Variants in BLOC1S3 observed in about 807,000 individuals in gnomAD.
BLOC1S3 encodes biogenesis of lysosomal organelles complex 1 subunit 3, also known as biogenesis of lysosome-related organelles complex 1 subunit 3.
A neutral mutation model predicts 9.1 loss-of-function variants in BLOC1S3; 7 were observed. That is an observed-to-expected ratio of 0.77 (90% CI 0.44 to 1.45). The LOEUF (loss-of-function observed/expected upper bound fraction) is 1.45, where lower values mean the gene tolerates loss of function less well. Ranked by LOEUF, BLOC1S3 falls within the 40% of genes most tolerant of loss-of-function variation. The probability of loss-of-function intolerance (pLI) is 0.01; values close to 1 mark genes in which losing one functional copy is unlikely to be tolerated. For missense variants in BLOC1S3, 307 were observed against 315.2 expected, an observed-to-expected ratio of 0.97 and a Z score of 0.20; for synonymous variants, 145 against 158.4, an observed-to-expected ratio of 0.92 and a Z score of 0.64.
At chr19:45,204,013 T>G (rs1969709463) in intron 3 of BLOC1S3, among the ~76,000 whole-genome samples, 1 of 151,882 alleles carries the variant, frequency 6.6e-6, no homozygotes, top group Non-Finnish European at 1.5e-5. Flanking sequence ...ACCAGTCGAT[T>G]CTTTTTTTTT....
At chr19:45,206,462 T>TTGTTTTTTTTTTTG (rs1555754635) in intron 3 of BLOC1S3, among the ~76,000 whole-genome samples, 1 of 115,446 alleles carries the variant, frequency 8.7e-6, no homozygotes, top group Non-Finnish European at 1.8e-5. Context: ...TTTTTTTTTT[T>TTGTTTTTTTTTTTG]TTTTTTTTTT....
At chr19:45,204,579 C>A (rs1244632496) in intron 3 of BLOC1S3, among the ~76,000 whole-genome samples, 1 of 152,148 alleles carries the variant, frequency 6.6e-6, no homozygotes, top group Non-Finnish European at 1.5e-5. Flanking sequence ...CTCAGCTGGG[C>A]TGGAAATCCA....
downstream of BLOC1S3, among the ~76,000 whole-genome samples, chr19:45,182,612 T>C (rs112142599): frequency 0.017 from 2,585 of 151,774 alleles, 71 homozygotes; most frequent in African/African-American, 0.056. Context: ...TACAGTGAGC[T>C]GAGATCATGC....
At chr19:45,193,566 CT>C (rs1969623428) in intron 2 of BLOC1S3, among the ~76,000 whole-genome samples, 1 of 151,736 alleles carries the variant, frequency 6.6e-6, no homozygotes, top group Non-Finnish European at 1.5e-5. Context: ...ATAAGCCATA[CT>C]TGCCCGTTTC....
chr19:45,203,325 G>A (rs1328711405), intron 3 of BLOC1S3, among the ~76,000 whole-genome samples: 3 of 152,102 alleles, frequency 2.0e-5, no homozygotes, highest in Non-Finnish European at 4.4e-5. Flanking sequence ...CCGGGCTGGA[G>A]TGCAATGACG....
rs555609801 is a variant in BLOC1S3, at chr19:45,188,506, AC to A, written n.180+769del. 1.1e-3 allele frequency among the ~76,000 whole-genome samples: 171 copies of A among 150,602 alleles called. 1 individual carries two copies. Among genetic ancestry groups the A allele is most frequent in the African/African-American group, 3.8e-3 (155 of 41,042 alleles). On this transcript the variant is annotated intron_variant and non_coding_transcript_variant, in intron 2 of 3. Coordinates refer to the BLOC1S3 transcript ENST00000591569. ...GTTACTTTAAAATGTACAACTAGTC[AC>A]CCGGATGTGCTGTCAAATAGTAGAT...
chr19:45,215,848 C>T (rs73568206), intron 3 of BLOC1S3, among the ~76,000 whole-genome samples: 1,746 of 152,286 alleles, frequency 0.011, 36 homozygotes, highest in African/African-American at 0.04. Context: ...CCTGTGACCG[C>T]CTGTTTGTTT....
intron 3 of BLOC1S3, among the ~76,000 whole-genome samples, chr19:45,210,428 G>A (rs775515083): frequency 6.7e-6 from 1 of 150,098 alleles, no homozygotes; most frequent in Non-Finnish European, 1.5e-5. Flanking sequence ...GCCTCCTGGA[G>A]TAGCTGGGAT....
At chr19:45,186,198 C>G (rs1969564742), downstream of BLOC1S3, among the ~76,000 whole-genome samples, 1 of 152,066 alleles carries the variant, frequency 6.6e-6, no homozygotes, top group Non-Finnish European at 1.5e-5. Flanking sequence ...CACTCTGTGT[C>G]CCCAGCACCA....
chr19:45,191,163 C>A (rs1969604878), intron 2 of BLOC1S3, among the ~76,000 whole-genome samples: 2 of 151,336 alleles, frequency 1.3e-5, no homozygotes, highest in Non-Finnish European at 2.9e-5. Context: ...GCTCTTGTTG[C>A]CCAGGCTGGA....
intron 3 of BLOC1S3, among the ~76,000 whole-genome samples, chr19:45,206,114 G>A (rs995213249): frequency 2.0e-5 from 3 of 152,092 alleles, no homozygotes; most frequent in East Asian, 1.9e-4. Flanking sequence ...TTGGGAGGCC[G>A]AGGCGGGTGG....
chr19:45,184,309 A>G (rs1969549590), downstream of BLOC1S3, among the ~76,000 whole-genome samples: 1 of 152,140 alleles, frequency 6.6e-6, no homozygotes, highest in Admixed American at 6.5e-5. Flanking sequence ...GTGGGATGGT[A>G]AGAAATGGGG....
chr19:45,179,343 C>T lies in BLOC1S3; in HGVS notation c.47C>T (p.Thr16Met), dbSNP rs1222326697. The change falls in exon 2 of 2, where the codon ACG becomes ATG. Residue 16 changes from threonine (T) to methionine (M), a missense_variant. By Grantham distance (81) the Thr-to-Met change is moderately conservative. Transcript: ENST00000433642. The surrounding 1 kb of genome is among the most constrained non-coding windows in gnomAD (Gnocchi z 4.6). ...RRRRPLRRPE[T>M]VVPGEATETD... ...CGGAGGCCCCTGCGGAGGCCGGAGA[C>T]GGTGGTGCCGGGGGAGGCGACCGAG... is the stretch of plus-strand genomic sequence containing the variant. 1.3e-6 allele frequency: 2 copies of T among 1,585,948 alleles called. No homozygotes were observed. Among genetic ancestry groups the T allele is most frequent in the African/African-American group, 1.4e-5 (1 of 73,240 alleles).
In BLOC1S3 at chr19:45,179,872, C is replaced by T. The variant is rs1023339987; in HGVS notation, c.576C>T (p.Thr192=). The change falls in exon 2 of 2, where the codon ACC becomes ACT. Residue 192 remains threonine (T), a synonymous_variant. Coordinates refer to ENST00000433642, the MANE Select transcript of BLOC1S3 (RefSeq NM_212550.5). This position sits in a 1 kb window ranked among gnomAD's most constrained non-coding sequence, Gnocchi z 4.6. ...LLPDIRGVPG[T]EPEKDPGPRA ...CGGACATCCGCGGCGTGCCAGGGAC[C>T]GAGCCTGAGAAAGACCCGGGGCCGC... is the stretch of plus-strand genomic sequence containing the variant. 4 of 1,609,116 alleles carry T rather than the reference C, an allele frequency of 2.5e-6. No homozygotes were observed. In the South Asian group the frequency reaches 3.3e-5, roughly 13 times the overall value.
chr19:45,216,033 GCCAGGCACGGCGAGCCCTGGC>G (rs746333431), intron 3 of BLOC1S3: 1 of 1,608,234 alleles, frequency 6.2e-7, no homozygotes, highest in Non-Finnish European at 8.5e-7. Flanking sequence ...GGAGACCTCG[GCCAGGCACGGCGAGCCCTGGC>G]CCAGGCGGGG....
Position 45,179,715 on chromosome 19 carries a change from C to T in BLOC1S3, c.419C>T (p.Ala140Val). 1 of 1,457,918 alleles carries T rather than the reference C, an allele frequency of 6.9e-7. No individual in the cohort carries two copies. The highest frequency in any genetic ancestry group is 9.0e-7 in the Non-Finnish European group (1 of 1,111,830). 90.3% of individuals were successfully genotyped at this position (1,457,918 alleles called of 1,614,324 possible). Residue 140 changes from alanine (A) to valine (V), a missense_variant, in exon 2 of 2, where the codon GCC becomes GTC. Physicochemically the swap from Ala to Val is moderately conservative, Grantham distance 64. Transcript: ENST00000433642. The surrounding 1 kb of genome is among the most constrained non-coding windows in gnomAD (Gnocchi z 4.6). The stretch of plus-strand genomic sequence containing the variant: ...TACCGCCGTGCAGGCCGCGACGTGG[C>T]CGCCCTGGCTAGTAGGCTGGCGGCA... The part of the protein sequence containing the change: ...GVYRRAGRDV[A>V]ALASRLAAAQ...
At chr19:45,214,564 A>C (rs1041679498) in intron 3 of BLOC1S3, among the ~76,000 whole-genome samples, 1 of 152,080 alleles carries the variant, frequency 6.6e-6, no homozygotes, top group Non-Finnish European at 1.5e-5. Flanking sequence ...TCCTGGGCTC[A>C]AGCAATTCTC....
At chr19:45,200,220 C>T (rs1377918261) in intron 2 of BLOC1S3, among the ~76,000 whole-genome samples, 1 of 136,916 alleles carries the variant, frequency 7.3e-6, no homozygotes, top group Non-Finnish European at 1.5e-5. Flanking sequence ...CTCGCTGTGT[C>T]GCCCAGGCTG....
At chr19:45,196,911 A>G (rs541272683) in intron 2 of BLOC1S3, among the ~76,000 whole-genome samples, 37 of 150,992 alleles carry the variant, frequency 2.5e-4, no homozygotes, top group Admixed American at 4.0e-4. Flanking sequence ...AAAAAAAAAA[A>G]ATCAATTTTA....
Sources: gnomAD v4.1 joint callset for allele counts (sites outside exome capture counted in the v4.1 genomes callset) on GRCh38, gnomAD v4.1.1 for gene constraint, Gnocchi (gnomAD v3.1) non-coding constraint, MANE v1.5 for transcripts, NCBI Gene and HGNC (gene_info 2026-07-23, HGNC 2026-07-21) for gene names.